Variants in ADGRF1 observed in about 807,000 individuals in gnomAD.
The protein encoded by ADGRF1 is adhesion G protein-coupled receptor F1.
ADGRF1 carries 85 observed loss-of-function variants against 87.2 expected under a neutral mutation model. The ratio of observed to expected loss-of-function variants is 0.97; its 90% confidence interval spans 0.82 to 1.17. The LOEUF is 1.17. Among genes scored for constraint, ADGRF1 ranks in the 50% most tolerant of loss-of-function variants. ADGRF1 has a pLI of 0.00. For missense variants in ADGRF1, 1,169 were observed against 1,077.2 expected (o/e 1.09, Z -1.19); for synonymous variants, 430 against 408.8 (o/e 1.05, Z -0.63).
chr6:46,998,383 T>TG lies in ADGRF1; in HGVS notation c.*1838dup, dbSNP rs745841462. 4 of 152,344 alleles carry TG rather than the reference T, an allele frequency of 2.6e-5. No individual in the cohort carries two copies. Among genetic ancestry groups the TG allele is most frequent in the South Asian group, 4.1e-4 (2 of 4,832 alleles). The allele number at this position is 152,344 out of a possible 1,614,324, so 9.4% of individuals were successfully genotyped here. A position where few individuals can be genotyped will look rare whatever the true frequency, so the allele number is the denominator to read the frequency against. On this transcript the variant is annotated 3_prime_UTR_variant, in exon 15 of 15. Transcript: ENST00000371253. The stretch of plus-strand genomic sequence containing the variant: ...GGCTTCACCTCCCACTTCTTGATGC[T>TG]GGGTTCCCTCCACCTCTTTGGACAA...
At position 47,010,280 on chromosome 6, in the gene ADGRF1, G is replaced by A; in HGVS notation, c.1155C>T (p.Ala385=). 1 of 1,613,080 alleles carries A rather than the reference G, an allele frequency of 6.2e-7. No individual in the cohort carries two copies. The part of the protein sequence containing the change: ...ISIADNILNS[A]SVTNWTVLLR... ...GTAAGACTGTCCAGTTGGTTACTGA[G>A]GCTGAATTAAGGATATTGTCAGCTA... Residue 385 remains alanine, a synonymous_variant, in exon 11 of 15, where the codon GCC becomes GCT. Transcript: ENST00000371253.
intron 6 of ADGRF1, 40 bp downstream of exon 6, chr6:47,021,918 T>A (rs1481580131): frequency 1.9e-6 from 2 of 1,066,366 alleles, no homozygotes. Context: ...AACTTGAGTG[T>A]AGCAAACGAT....
intron 1 of ADGRF1, among the ~76,000 whole-genome samples, chr6:47,029,305 T>C (rs1780340752): frequency 6.6e-6 from 1 of 152,128 alleles, no homozygotes; most frequent in Admixed American, 6.5e-5. Context: ...ACAAACTTAC[T>C]AGAAAACTGC....
At chr6:47,039,499 G>T (rs990476352) in intron 1 of ADGRF1, among the ~76,000 whole-genome samples, 2 of 152,206 alleles carry the variant, frequency 1.3e-5, no homozygotes, top group African/African-American at 4.8e-5. Flanking sequence ...GCTTACTGGG[G>T]AGGGGATGTG....
rs1234970700 is a variant in ADGRF1, at chr6:47,028,936, C to A, written c.69+57G>T. The A allele has an allele frequency of 2.9e-6, 4 of 1,390,986 alleles. No individual in the cohort carries two copies. The East Asian group carries it at 9.1e-5, about 32-fold the overall frequency. 86.2% of individuals were successfully genotyped at this position (1,390,986 alleles called of 1,614,324 possible). On this transcript the variant is annotated intron_variant, in intron 2 of 14. Coordinates refer to ENST00000371253, the MANE Select transcript of ADGRF1 (RefSeq NM_153840.4). ...TAGAGAGTGAGGGGTTCTAAAAGTG[C>A]CGGAACGAGAGAGGAGAGTTAGTTG... is the stretch of plus-strand genomic sequence containing the variant.
intron 1 of ADGRF1, among the ~76,000 whole-genome samples, chr6:47,035,089 A>G (rs1681292453): frequency 6.6e-6 from 1 of 152,266 alleles, no homozygotes; most frequent in East Asian, 1.9e-4. Context: ...ACAGAAGACC[A>G]GTCCAGCTCG....
chr6:47,011,979 G>A (rs1779719830), intron 10 of ADGRF1, 28 bp downstream of exon 10: 2 of 1,590,768 alleles, frequency 1.3e-6, no homozygotes, highest in South Asian at 1.1e-5. Context: ...CATTTAAAGT[G>A]AGCCCTTCAA....
chr6:47,013,320 A>T, intron 9 of ADGRF1: 1 of 985,542 alleles, frequency 1.0e-6, no homozygotes, highest in Non-Finnish European at 1.2e-6. Context: ...GAGGCAACGA[A>T]GGCAAGAGCA....
Position 47,022,028 on chromosome 6 carries a change from C to T in ADGRF1, c.482G>A (p.Arg161Lys), listed in dbSNP as rs754773587. Residue 161 changes from arginine (R) to lysine (K), a missense_variant, in exon 6 of 15, where the codon AGG (arginine) becomes AAG (lysine). Coordinates refer to ENST00000371253, the MANE Select transcript of ADGRF1 (RefSeq NM_153840.4). ...KIWGTFKINE[R>K]FTNDLLNSSS... Reference sequence around the variant, plus strand: ...TGAATTCAAAAGGTCATTTGTAAACCTTTCATTAATTTTGAAAGTGCCCCA... The same window carrying T: ...TGAATTCAAAAGGTCATTTGTAAACTTTTCATTAATTTTGAAAGTGCCCCA... 61 of 1,580,474 alleles carry T rather than the reference C, an allele frequency of 3.9e-5. 1 individual carries two copies. In the South Asian group the frequency reaches 6.9e-4, roughly 18 times the overall value.
chr6:47,005,750 T>C (rs1266790135), intron 13 of ADGRF1, 67 bp downstream of exon 13: 3 of 1,147,850 alleles, frequency 2.6e-6, no homozygotes, highest in Non-Finnish European at 3.9e-6. Flanking sequence ...GCAGCAAGAC[T>C]GTATAAAGAG....
intron 13 of ADGRF1, among the ~76,000 whole-genome samples, chr6:47,004,925 C>G (rs1202703083): frequency 6.6e-6 from 1 of 152,202 alleles, no homozygotes; most frequent in Non-Finnish European, 1.5e-5. Flanking sequence ...CCGTAATTCA[C>G]AGCAGTGCTG....
At chr6:47,004,970 A>C (rs1779476279) in intron 13 of ADGRF1, among the ~76,000 whole-genome samples, 1 of 152,170 alleles carries the variant, frequency 6.6e-6, no homozygotes, top group African/African-American at 2.4e-5. Context: ...AAGACTTTTT[A>C]ATGCCAGAGG....
At chr6:47,014,400 C>A in intron 9 of ADGRF1, 1 of 1,101,288 alleles carries the variant, frequency 9.1e-7, no homozygotes, top group Non-Finnish European at 1.1e-6. Flanking sequence ...CTCTACCATC[C>A]ATCATAGACC....
intron 7 of ADGRF1, chr6:47,017,954 A>C (rs889787784): frequency 6.3e-6 from 1 of 159,036 alleles, no homozygotes; most frequent in Non-Finnish European, 1.4e-5. Context: ...GTTATACCTC[A>C]ATAAAAGAAA....
At chr6:47,018,759 A>AT in intron 7 of ADGRF1, 1 of 300,810 alleles carries the variant, frequency 3.3e-6, no homozygotes, top group Non-Finnish European at 6.2e-6. Flanking sequence ...TTTTAAAATA[A>AT]TTTTTTTAAA....
chr6:47,024,936 G>A (rs1007220886), intron 4 of ADGRF1, among the ~76,000 whole-genome samples: 1 of 152,186 alleles, frequency 6.6e-6, no homozygotes, highest in African/African-American at 2.4e-5. Flanking sequence ...TAACAGGAGA[G>A]TTGTTTAAAG....
chr6:47,022,111 A>G, intron 5 of ADGRF1, 53 bp from the exon 6 acceptor site: 1 of 973,224 alleles, frequency 1.0e-6, no homozygotes, highest in Admixed American at 2.4e-5. Flanking sequence ...AACTTGATTT[A>G]CTAGTAGCAT....
At chr6:47,014,633 C>G in intron 9 of ADGRF1, 48 bp downstream of exon 9, 3 of 1,590,860 alleles carry the variant, frequency 1.9e-6, no homozygotes, top group Non-Finnish European at 2.6e-6. Flanking sequence ...GATATTGCCA[C>G]TCTGAAACTC....
intron 4 of ADGRF1, among the ~76,000 whole-genome samples, chr6:47,024,788 A>G (rs985687876): frequency 1.3e-5 from 2 of 152,264 alleles, no homozygotes; most frequent in African/African-American, 4.8e-5. Flanking sequence ...GAAAATGTCC[A>G]ACTCAATAAA....
Sources: gnomAD v4.1 joint callset for allele counts (sites outside exome capture counted in the v4.1 genomes callset) on GRCh38, gnomAD v4.1.1 for gene constraint, MANE v1.5 for transcripts, NCBI Gene and HGNC (gene_info 2026-07-23, HGNC 2026-07-21) for gene names.